MTERF3: variants seen among roughly 807,000 people sequenced by gnomAD.
MTERF3 encodes the protein transcription termination factor 3, mitochondrial.
In MTERF3, 40 loss-of-function variants were observed where a neutral mutation model predicts 40.5. The observed-to-expected ratio is 0.99, with a 90% CI of 0.77 to 1.29. The LOEUF (loss-of-function observed/expected upper bound fraction) is 1.29, where lower values mean the gene tolerates loss of function less well. Ranked by LOEUF, MTERF3 falls within the 50% of genes most tolerant of loss-of-function variation. The pLI, the probability that MTERF3 is intolerant of heterozygous loss-of-function variation, is 0.00. For missense variants in MTERF3, 452 were observed against 478.2 expected, an observed-to-expected ratio of 0.95 and a Z score of 0.51; for synonymous variants, 158 against 166.6, an observed-to-expected ratio of 0.95 and a Z score of 0.40.
At chr8:96,248,584 G>A (rs1443681431) in intron 4 of MTERF3, among the ~76,000 whole-genome samples, 2 of 151,960 alleles carry the variant, frequency 1.3e-5, no homozygotes, top group Non-Finnish European at 2.9e-5. Context: ...AAAGGCCAAG[G>A]GACAAAGTAG....
intron 6 of MTERF3, among the ~76,000 whole-genome samples, chr8:96,245,563 T>C (rs1810006018): frequency 6.6e-6 from 1 of 152,176 alleles, no homozygotes; most frequent in Non-Finnish European, 1.5e-5. Flanking sequence ...ACGCCCACAC[T>C]GGGCAACAGA....
At chr8:96,261,078 T>C (rs369853701) in intron 1 of MTERF3, among the ~76,000 whole-genome samples, 3 of 152,220 alleles carry the variant, frequency 2.0e-5, no homozygotes, top group African/African-American at 7.2e-5. Flanking sequence ...ACAATTCATA[T>C]ATACTGTTCT....
chr8:96,244,145 G>A, intron 6 of MTERF3, 65 bp from the exon 7 acceptor site: 1 of 1,428,718 alleles, frequency 7.0e-7, no homozygotes. Context: ...CCATGGCAAG[G>A]CTGCACTGAT....
rs1186844974 is a variant in MTERF3, at chr8:96,244,854, G to A, written c.898-774C>T. Among the ~76,000 whole-genome samples, 4 of 152,250 alleles carry A rather than the reference G, an allele frequency of 2.6e-5. No homozygotes were observed. The Middle Eastern group carries it at 0.01, about 388-fold the overall frequency. ...ATGATGGTCATGAAGCTCACCAAAGGGGCAACCATAATTACAAGAGGGAAT... is the reference window on the plus strand; with the variant it reads ...ATGATGGTCATGAAGCTCACCAAAGAGGCAACCATAATTACAAGAGGGAAT... On this transcript the variant is annotated intron_variant, in intron 6 of 7. Transcript: ENST00000287025.
At chr8:96,253,661 G>C (rs1373367065) in intron 3 of MTERF3, among the ~76,000 whole-genome samples, 1 of 152,026 alleles carries the variant, frequency 6.6e-6, no homozygotes, top group Non-Finnish European at 1.5e-5. Flanking sequence ...TACAGGTAAA[G>C]GAATGGCTGA....
At chr8:96,243,491 A>G (rs1809964248) in intron 7 of MTERF3, among the ~76,000 whole-genome samples, 1 of 152,234 alleles carries the variant, frequency 6.6e-6, no homozygotes, top group South Asian at 2.1e-4. Flanking sequence ...AGAATATGGA[A>G]GCTTGATTAG....
intron 2 of MTERF3, 152 bp downstream of exon 2, chr8:96,258,205 G>C: frequency 7.5e-7 from 1 of 1,340,424 alleles, no homozygotes; most frequent in Non-Finnish European, 9.6e-7. Flanking sequence ...TAAAATAAAG[G>C]CATGATAGAA....
chr8:96,259,786 A>G (rs1810345401), intron 1 of MTERF3, among the ~76,000 whole-genome samples: 1 of 152,224 alleles, frequency 6.6e-6, no homozygotes, highest in South Asian at 2.1e-4. Flanking sequence ...GCTCTAAATT[A>G]GACCAAATAC....
intron 7 of MTERF3, among the ~76,000 whole-genome samples, chr8:96,241,033 A>G (rs565821872): frequency 1.3e-5 from 2 of 152,278 alleles, no homozygotes; most frequent in South Asian, 4.1e-4. Context: ...CATGATCACA[A>G]TATTATGGAT....
chr8:96,245,190 G>A (rs544043320), intron 6 of MTERF3, among the ~76,000 whole-genome samples: 4 of 152,212 alleles, frequency 2.6e-5, no homozygotes, highest in South Asian at 2.1e-4. Flanking sequence ...TCAGCATGGC[G>A]CTTGGGCAGG....
At chr8:96,254,756 T>C (rs935887722) in intron 3 of MTERF3, among the ~76,000 whole-genome samples, 5 of 152,220 alleles carry the variant, frequency 3.3e-5, no homozygotes, top group African/African-American at 1.2e-4. Context: ...TATTTAGATG[T>C]TTCTGAGGAC....
intron 7 of MTERF3, 23 bp from the exon 8 acceptor site, chr8:96,239,708 TA>T: frequency 3.9e-6 from 6 of 1,534,612 alleles, no homozygotes; most frequent in Non-Finnish European, 4.4e-6. Context: ...AAAAAGTTTT[TA>T]AAAAACACTG....
chr8:96,244,048 G>C lies in MTERF3; in HGVS notation c.930C>G (p.Asn310Lys), dbSNP rs150135437. The C allele has an allele frequency of 1.5e-5, 24 of 1,613,120 alleles. No individual in the cohort carries two copies. Among genetic ancestry groups the C allele is most frequent in the Non-Finnish European group, 1.8e-5 (21 of 1,179,340 alleles). The change falls in exon 7 of 8, where the codon AAC becomes AAG. Residue 310 changes from asparagine (N) to lysine (K), a missense_variant. Coordinates refer to ENST00000287025, the MANE Select transcript of MTERF3 (RefSeq NM_015942.5). ...TTCTGGTGATCATATGTTGAATTTC[G>C]TTATGTTTAAAACCAAGTTCAAGAC... ...VYRLELGFKH[N>K]EIQHMITRIP...
At chr8:96,243,859 G>A (rs1432703357) in intron 7 of MTERF3, 60 bp downstream of exon 7, 3 of 1,541,884 alleles carry the variant, frequency 1.9e-6, no homozygotes, top group Non-Finnish European at 2.7e-6. Flanking sequence ...TGCAGCTGGA[G>A]AGCAGCTCCA....
chr8:96,258,638 C>T lies in MTERF3; in HGVS notation c.53G>A (p.Arg18Lys). The change falls in exon 2 of 8, where the codon AGG (arginine) becomes AAG (lysine). Residue 18 changes from arginine (R) to lysine (K), a missense_variant. Coordinates refer to ENST00000287025, the MANE Select transcript of MTERF3 (RefSeq NM_015942.5). ...GAGTTGTGCAGCATTAATGAGGCTCCTCAACTTAACTGAGTTAAACCATCT... is the reference window on the plus strand; with the variant it reads ...GAGTTGTGCAGCATTAATGAGGCTCTTCAACTTAACTGAGTTAAACCATCT... The part of the protein sequence containing the change: ...IPRWFNSVKL[R>K]SLINAAQLTK... 6.2e-7 allele frequency: 1 copy of T among 1,613,960 alleles called. No homozygotes were observed.
chr8:96,256,874 T>A (rs1471824648), intron 3 of MTERF3, 88 bp downstream of exon 3: 1 of 1,236,848 alleles, frequency 8.1e-7, no homozygotes. Context: ...TGTATACTAC[T>A]TAGTATAGAT....
chr8:96,246,042 C>A, intron 5 of MTERF3, 111 bp from the exon 6 acceptor site: 1 of 1,027,546 alleles, frequency 9.7e-7, no homozygotes, highest in South Asian at 1.6e-5. Context: ...ATGACCCAAT[C>A]AGAAAAATGA....
intron 1 of MTERF3, among the ~76,000 whole-genome samples, chr8:96,260,457 G>A (rs1810362604): frequency 6.6e-6 from 1 of 151,494 alleles, no homozygotes. Flanking sequence ...TGTGGGGGGT[G>A]GGGGTGGGGT....
chr8:96,258,776 C>A, intron 1 of MTERF3, 76 bp from the exon 2 acceptor site: 2 of 1,093,064 alleles, frequency 1.8e-6, no homozygotes, highest in Non-Finnish European at 2.6e-6. Flanking sequence ...ATTCAAACAA[C>A]AAAAAGATAA....
Sources: allele counts gnomAD v4.1 joint callset (sites outside exome capture counted in the v4.1 genomes callset), GRCh38; gene constraint gnomAD v4.1.1; transcripts MANE v1.5; gene names NCBI Gene and HGNC (gene_info 2026-07-23, HGNC 2026-07-21).